TRPV4: variants seen among roughly 807,000 people sequenced by gnomAD.
TRPV4 encodes OSM9-like transient receptor potential channel 4.
Under a neutral mutation model 84.1 loss-of-function variants are expected in TRPV4, and 58 were observed. The observed-to-expected ratio is 0.69, with a 90% confidence interval of 0.56 to 0.86. TRPV4 has a LOEUF of 0.86. TRPV4 is among the 40% of genes least tolerant of loss of function. The pLI, the probability that TRPV4 is intolerant of heterozygous loss-of-function variation, is 0.00. For missense variants in TRPV4, 879 were observed against 1,181.1 expected, an observed-to-expected ratio of 0.74 and a Z score of 3.75; for synonymous variants, 489 against 500.9, an observed-to-expected ratio of 0.98 and a Z score of 0.32.
intron 1 of TRPV4, among the ~76,000 whole-genome samples, chr12:109,821,166 C>A (rs539091118): frequency 6.6e-6 from 1 of 152,370 alleles, no homozygotes; most frequent in East Asian, 1.9e-4. Context: ...CTGCTCCGCC[C>A]CAGCGGGGAG....
intron 5 of TRPV4, 100 bp downstream of exon 5, chr12:109,800,518 G>A: frequency 6.7e-7 from 1 of 1,482,190 alleles, no homozygotes; most frequent in Non-Finnish European, 9.3e-7. Flanking sequence ...GGCCCTGGGT[G>A]TCTGGGTGAT....
chr12:109,784,418 AC>A lies in TRPV4; in HGVS notation c.2355del (p.Trp785CysfsTer48), dbSNP rs1259389047. The A allele has an allele frequency of 6.2e-7, 1 of 1,613,896 alleles. No homozygotes were observed. Among genetic ancestry groups the A allele is most frequent in the East Asian group, 2.2e-5 (1 of 44,878 alleles). ...ATGCCCAAGTTCTGGTTCCAGTGAG[AC>A]CAGTTCACCTCATCCACCCTGGCAG... The part of the protein sequence containing the change: ...RWCFRVDEVN[W>X]SHWNQNLGII... On this transcript the variant is annotated frameshift_variant, in exon 15 of 16. Coordinates refer to ENST00000261740, the MANE Select transcript of TRPV4 (RefSeq NM_021625.5). LOFTEE classifies it high-confidence loss of function.
chr12:109,794,421 C>T lies in TRPV4; in HGVS notation c.1399G>A (p.Gly467Arg), dbSNP rs149220637. The stretch of plus-strand genomic sequence containing the variant: ...ACGTTGATGTAGAAGGAGACGGCCC[C>T]GAACTTGCGCCACTTGTCCCGCAGC... ...ELLRDKWRKFGAVSFYINVVS... is the reference protein window; with the variant it reads ...ELLRDKWRKFRAVSFYINVVS... Residue 467 changes from glycine to arginine, a missense_variant, in exon 8 of 16, where the codon GGG (glycine) becomes AGG (arginine). Transcript: ENST00000261740. 9.9e-6 allele frequency: 16 copies of T among 1,613,918 alleles called. No individual in the cohort carries two copies. The highest frequency in any genetic ancestry group is 2.7e-5 in the African/African-American group (2 of 74,888).
intron 1 of TRPV4, among the ~76,000 whole-genome samples, chr12:109,819,112 G>A (rs1432039815): frequency 1.3e-5 from 2 of 151,776 alleles, no homozygotes; most frequent in South Asian, 2.1e-4. Context: ...CGGCTCTGCT[G>A]CTCTGTGGCA....
chr12:109,806,337 G>A (rs141454066), intron 3 of TRPV4, among the ~76,000 whole-genome samples: 81 of 150,784 alleles, frequency 5.4e-4, no homozygotes, highest in African/African-American at 1.8e-3. Flanking sequence ...TGAAATTACA[G>A]GTGTGTGCCA....
intron 1 of TRPV4, among the ~76,000 whole-genome samples, chr12:109,828,323 C>A (rs1892322794): frequency 6.6e-6 from 1 of 152,148 alleles, no homozygotes; most frequent in South Asian, 2.1e-4. Flanking sequence ...GGTCACACAG[C>A]CGGCAGTGGC....
chr12:109,807,543 G>C (rs1261440012), intron 3 of TRPV4, among the ~76,000 whole-genome samples: 1 of 152,054 alleles, frequency 6.6e-6, no homozygotes, highest in African/African-American at 2.4e-5. Context: ...ACCATGCCCA[G>C]CCTTGGTGTC....
intron 6 of TRPV4, among the ~76,000 whole-genome samples, chr12:109,797,730 T>G (rs944095336): frequency 3.3e-5 from 5 of 152,114 alleles, no homozygotes; most frequent in African/African-American, 9.7e-5. Flanking sequence ...TTATTTGGGA[T>G]CTCAAATAAT....
intron 1 of TRPV4, among the ~76,000 whole-genome samples, chr12:109,823,322 G>A (rs1342681803): frequency 6.6e-6 from 1 of 152,234 alleles, no homozygotes; most frequent in Non-Finnish European, 1.5e-5. Context: ...ACCCAGGCAG[G>A]GCAGGTCTGG....
intron 13 of TRPV4, among the ~76,000 whole-genome samples, chr12:109,787,125 G>A (rs961102143): frequency 6.6e-6 from 1 of 152,178 alleles, no homozygotes; most frequent in Non-Finnish European, 1.5e-5. Context: ...GGAGAACAGG[G>A]AGCAAATGCC....
intron 1 of TRPV4, among the ~76,000 whole-genome samples, chr12:109,830,769 C>A (rs1174158496): frequency 6.6e-6 from 1 of 152,108 alleles, no homozygotes; most frequent in Admixed American, 6.6e-5. Flanking sequence ...TTCATGTAGA[C>A]CCCATCCCCC....
At chr12:109,812,952 AAATG>A (rs1415722855) in intron 2 of TRPV4, among the ~76,000 whole-genome samples, 1 of 152,166 alleles carries the variant, frequency 6.6e-6, no homozygotes, top group Non-Finnish European at 1.5e-5. Context: ...AAAGATGGGT[AAATG>A]AATGAGTAGA....
intron 4 of TRPV4, 39 bp from the exon 5 acceptor site, chr12:109,800,797 C>CAGAG (rs886810915): frequency 2.1e-5 from 34 of 1,595,748 alleles, no homozygotes; most frequent in Middle Eastern, 1.7e-4. Context: ...CCTGGCGGAG[C>CAGAG]AGAGACCTAG....
intron 4 of TRPV4, among the ~76,000 whole-genome samples, chr12:109,802,248 G>A (rs1592844728): frequency 6.6e-6 from 1 of 150,536 alleles, no homozygotes; most frequent in East Asian, 2.0e-4. Flanking sequence ...TCCCACCCCA[G>A]CCTCCCAAGT....
In TRPV4 at chr12:109,796,714, G is replaced by A. The variant is rs149541389; in HGVS notation, c.1153-10C>T. The A allele has an allele frequency of 7.4e-3, 11,860 of 1,605,754 alleles. 53 individuals carry two copies. The highest frequency in any genetic ancestry group is 8.8e-3 in the Non-Finnish European group (10,366 of 1,174,236). ...TGATGTGCTGAAAGATCTGCACAGGGGGCCAGGAGGGTCAGGGGGCTCACA... is the reference window on the plus strand; with the variant it reads ...TGATGTGCTGAAAGATCTGCACAGGAGGCCAGGAGGGTCAGGGGGCTCACA... On this transcript the variant is annotated splice_polypyrimidine_tract_variant and intron_variant, in intron 6 of 15. Coordinates refer to ENST00000261740, the MANE Select transcript of TRPV4 (RefSeq NM_021625.5). The surrounding 1 kb of genome is among the most constrained non-coding windows in gnomAD (Gnocchi z 4.2).
Position 109,788,712 on chromosome 12 carries a change from CA to C in TRPV4, c.1895del (p.Leu632ArgfsTer5). 1 of 1,614,044 alleles carries C rather than the reference CA, an allele frequency of 6.2e-7. No individual in the cohort carries two copies. Among genetic ancestry groups the C allele is most frequent in the Non-Finnish European group, 8.5e-7 (1 of 1,180,032 alleles). On this transcript the variant is annotated frameshift_variant, in exon 13 of 16. Transcript: ENST00000261740. LOFTEE classifies it high-confidence loss of function. Reference protein sequence around the residue: ...LLFMIGYASALVSLLNPCANM... With the variant: ...LLFMIGYASAXVSLLNPCANM... ...TGGCACACGGGTTCAGGAGGGAGACCAGGGCTGTGGGAGGATAGGGGTGGCA... is the reference window on the plus strand; with the variant it reads ...TGGCACACGGGTTCAGGAGGGAGACCGGGCTGTGGGAGGATAGGGGTGGCA...
At chr12:109,821,577 TG>T (rs1892100185) in intron 1 of TRPV4, among the ~76,000 whole-genome samples, 1 of 152,154 alleles carries the variant, frequency 6.6e-6, no homozygotes, top group South Asian at 2.1e-4. Context: ...TCCCCCAGGT[TG>T]GAGTGCAGTG....
intron 7 of TRPV4, among the ~76,000 whole-genome samples, chr12:109,794,744 G>T (rs762474019): frequency 1.3e-5 from 2 of 152,180 alleles, no homozygotes; most frequent in African/African-American, 2.4e-5. Context: ...CAGGCCGGCC[G>T]CAGTGGCTCA....
intron 1 of TRPV4, among the ~76,000 whole-genome samples, chr12:109,818,487 G>A (rs1292867683): frequency 1.3e-5 from 2 of 152,158 alleles, no homozygotes; most frequent in Non-Finnish European, 2.9e-5. Flanking sequence ...CACACAGCAG[G>A]TTAGTGATGG....
Sources: gnomAD v4.1 joint callset for allele counts (sites outside exome capture counted in the v4.1 genomes callset) on GRCh38, gnomAD v4.1.1 for gene constraint, Gnocchi (gnomAD v3.1) non-coding constraint, MANE v1.5 for transcripts, NCBI Gene and HGNC (gene_info 2026-07-23, HGNC 2026-07-21) for gene names.